The following PPP1R1C variants were observed in gnomAD, a reference collection of about 807,000 sequenced individuals.
PPP1R1C encodes protein phosphatase 1 regulatory inhibitor subunit 1C.
In PPP1R1C, 15 loss-of-function variants were observed where a neutral mutation model predicts 17.4. The observed-to-expected ratio is 0.86, with a 90% confidence interval of 0.58 to 1.33. The LOEUF (loss-of-function observed/expected upper bound fraction) is 1.33, where lower values mean the gene tolerates loss of function less well. PPP1R1C is among the 40% of genes most tolerant of loss of function. The probability of loss-of-function intolerance (pLI) is 0.00; values close to 1 mark genes in which losing one functional copy is unlikely to be tolerated. For missense variants in PPP1R1C, 143 were observed against 130.0 expected, an observed-to-expected ratio of 1.10 and a Z score of -0.48; for synonymous variants, 35 against 43.1, an observed-to-expected ratio of 0.81 and a Z score of 0.73.
chr2:182,079,621 A>G (rs1304488694), intron 4 of PPP1R1C, among the ~76,000 whole-genome samples: 2 of 152,174 alleles, frequency 1.3e-5, no homozygotes, highest in African/African-American at 4.8e-5. Context: ...TGCACTTTGT[A>G]TCAGTTTTCA....
At chr2:181,972,009 A>C (rs1371847864) in intron 1 of PPP1R1C, among the ~76,000 whole-genome samples, 1 of 152,206 alleles carries the variant, frequency 6.6e-6, no homozygotes, top group Non-Finnish European at 1.5e-5. Context: ...TCTTCCAGTG[A>C]TATAAACTTA....
At chr2:182,092,749 T>C (rs1213858146) in intron 4 of PPP1R1C, among the ~76,000 whole-genome samples, 1 of 152,150 alleles carries the variant, frequency 6.6e-6, no homozygotes, top group Non-Finnish European at 1.5e-5. Flanking sequence ...AGCTCCAAAG[T>C]GATCTCCTTT....
In PPP1R1C at chr2:182,029,619, G is replaced by A. The variant is rs1402252773; in HGVS notation, c.143-31823G>A. ...ATGGGCTTCCCTTTGAGGGTAACCC[G>A]ACCTTTCTCTCTGGCTGCCCTTAAC... On this transcript the variant is annotated intron_variant, in intron 2 of 4. Coordinates refer to ENST00000682840, the MANE Select transcript of PPP1R1C (RefSeq NM_001080545.3). Among the ~76,000 whole-genome samples the A allele has an allele frequency of 1.6e-3, 207 of 129,426 alleles. 1 individual carries two copies. Among genetic ancestry groups the A allele is most frequent in the African/African-American group, 5.9e-3 (195 of 33,060 alleles). 84.9% of individuals were successfully genotyped at this position (129,426 alleles called of 152,430 possible).
At chr2:182,107,132 A>G (rs1210930799) in intron 4 of PPP1R1C, among the ~76,000 whole-genome samples, 3 of 152,212 alleles carry the variant, frequency 2.0e-5, no homozygotes, top group Admixed American at 6.5e-5. Context: ...CTTTCCTTAA[A>G]TTCTTCCAAT....
At chr2:181,971,200 TCTCTGAGTTACACCCAA>T (rs1199509625) in intron 1 of PPP1R1C, among the ~76,000 whole-genome samples, 2 of 152,150 alleles carry the variant, frequency 1.3e-5, no homozygotes, top group Non-Finnish European at 2.9e-5. Flanking sequence ...AGCCAGCACA[TCTCTGAGTTACACCCAA>T]GGCCCACAGC....
At chr2:182,016,597 C>A (rs1686268697) in intron 2 of PPP1R1C, among the ~76,000 whole-genome samples, 1 of 152,100 alleles carries the variant, frequency 6.6e-6, no homozygotes, top group Non-Finnish European at 1.5e-5. Context: ...TAAAAGTTTT[C>A]TTTTTCCTTC....
At chr2:182,022,765 A>G (rs574780519) in intron 2 of PPP1R1C, among the ~76,000 whole-genome samples, 1 of 152,320 alleles carries the variant, frequency 6.6e-6, no homozygotes, top group African/African-American at 2.4e-5. Context: ...TCCATAATTA[A>G]TGAGAAGAAT....
chr2:182,007,428 T>C (rs887818347), intron 2 of PPP1R1C, among the ~76,000 whole-genome samples: 9 of 152,230 alleles, frequency 5.9e-5, no homozygotes, highest in Non-Finnish European at 1.0e-4. Context: ...TGAAATTCCA[T>C]TCTAAGCCTA....
At chr2:182,114,619 A>G (rs1056384242) in intron 4 of PPP1R1C, among the ~76,000 whole-genome samples, 4 of 152,142 alleles carry the variant, frequency 2.6e-5, no homozygotes, top group Admixed American at 6.5e-5. Flanking sequence ...TCATTATCCA[A>G]TTGAAAGATG....
At chr2:182,063,262 A>T (rs552496736) in intron 3 of PPP1R1C, among the ~76,000 whole-genome samples, 2 of 151,980 alleles carry the variant, frequency 1.3e-5, no homozygotes, top group African/African-American at 2.4e-5. Context: ...GAACATGTCA[A>T]TTCAAGAGGG....
At chr2:181,979,402 T>A (rs1422562523) in intron 2 of PPP1R1C, among the ~76,000 whole-genome samples, 1 of 152,258 alleles carries the variant, frequency 6.6e-6, no homozygotes, top group East Asian at 1.9e-4. Flanking sequence ...TTTTCATTTC[T>A]TGAGTAGATT....
chr2:181,987,925 C>T, intron 2 of PPP1R1C, 26 bp downstream of exon 2: 1 of 1,561,192 alleles, frequency 6.4e-7, no homozygotes, highest in Non-Finnish European at 8.8e-7. Context: ...GTGTTTCACA[C>T]TGATGGAACA....
Position 181,987,859 on chromosome 2 carries a change from A to C in PPP1R1C, c.102A>C (p.Thr34=), listed in dbSNP as rs547516920. The C allele has an allele frequency of 3.1e-6, 5 of 1,613,520 alleles. 1 individual carries two copies. In the South Asian group the frequency reaches 5.5e-5, roughly 18 times the overall value. The stretch of plus-strand genomic sequence containing the variant: ...CACAGATCAGGAAAAGAAGACCTAC[A>C]CCAGCATCACTTGTGATTCTCAATG... ...AAEQIRKRRP[T]PASLVILNEH... is the part of the protein sequence containing the mutation. The change falls in exon 2 of 5, where the codon ACA becomes ACC. Residue 34 remains threonine (T), a synonymous_variant. Coordinates refer to ENST00000682840, the MANE Select transcript of PPP1R1C (RefSeq NM_001080545.3).
At position 182,061,647 on chromosome 2, in the gene PPP1R1C, A is replaced by G. The variant is rs148799248; in HGVS notation, c.180+168A>G. Among the ~76,000 whole-genome samples the G allele has an allele frequency of 4.5e-4, 69 of 152,248 alleles. 1 individual carries two copies. The East Asian group carries it at 0.012, about 27-fold the overall frequency. On this transcript the variant is annotated intron_variant, in intron 3 of 4. Coordinates refer to ENST00000682840, the MANE Select transcript of PPP1R1C (RefSeq NM_001080545.3). The stretch of plus-strand genomic sequence containing the variant: ...AGTGTCATTAAAATCTCTGCCTCTC[A>G]GTTACCTTTATTCTCTACCTATGTA...
chr2:182,069,056 A>G (rs16822511), intron 4 of PPP1R1C, among the ~76,000 whole-genome samples: 3,545 of 152,266 alleles, frequency 0.023, 137 homozygotes, highest in African/African-American at 0.08. Flanking sequence ...TCATCAGGCC[A>G]TCTCCACCAC....
chr2:181,968,049 A>G (rs1684937427), intron 1 of PPP1R1C, among the ~76,000 whole-genome samples: 2 of 152,218 alleles, frequency 1.3e-5, no homozygotes, highest in Non-Finnish European at 2.9e-5. Context: ...CATTGTGATC[A>G]GAGAAAATAC....
chr2:182,126,402 A>G (rs1689876385), intron 5 of PPP1R1C, among the ~76,000 whole-genome samples: 1 of 152,126 alleles, frequency 6.6e-6, no homozygotes, highest in Non-Finnish European at 1.5e-5. Context: ...TTAATTAATA[A>G]GAAATGTCTA....
chr2:182,119,437 G>T (rs894610588), downstream of PPP1R1C, among the ~76,000 whole-genome samples: 1 of 152,072 alleles, frequency 6.6e-6, no homozygotes, highest in Non-Finnish European at 1.5e-5. Context: ...GGGATGGCTG[G>T]GTCAAATGGT....
At chr2:182,099,576 G>A (rs761310904) in intron 4 of PPP1R1C, among the ~76,000 whole-genome samples, 2 of 152,170 alleles carry the variant, frequency 1.3e-5, no homozygotes, top group Non-Finnish European at 2.9e-5. Flanking sequence ...AATATGTATG[G>A]CATCAAGAAT....
Sources: allele counts gnomAD v4.1 joint callset (sites outside exome capture counted in the v4.1 genomes callset), GRCh38; gene constraint gnomAD v4.1.1; transcripts MANE v1.5; gene names NCBI Gene and HGNC (gene_info 2026-07-23, HGNC 2026-07-21).